The following KDM4C variants were observed in gnomAD, a reference collection of about 807,000 sequenced individuals.
KDM4C encodes lysine demethylase 4C, also known as lysine-specific demethylase 4C.
In KDM4C, 81 loss-of-function variants were observed where a neutral mutation model predicts 129.3. The observed-to-expected ratio is 0.63, with a 90% CI of 0.52 to 0.75. The LOEUF is 0.75. Among genes scored for constraint, KDM4C ranks in the 30% least tolerant of loss-of-function variants. The pLI, the probability that KDM4C is intolerant of heterozygous loss-of-function variation, is 0.00. For synonymous variants in KDM4C, 573 were observed against 456.1 expected, an observed-to-expected ratio of 1.26 and a Z score of -3.26; for missense variants, 1,457 against 1,304.0, an observed-to-expected ratio of 1.12 and a Z score of -1.81.
chr9:7,117,895 CCTGT>C (rs1338172810), intron 18 of KDM4C, among the ~76,000 whole-genome samples: 3 of 152,164 alleles, frequency 2.0e-5, no homozygotes, highest in Non-Finnish European at 2.9e-5. Context: ...ACCAGCTCCA[CCTGT>C]CTAACTAATG....
chr9:7,119,723 C>T (rs188441027), intron 18 of KDM4C, among the ~76,000 whole-genome samples: 35 of 152,002 alleles, frequency 2.3e-4, no homozygotes, highest in Admixed American at 5.9e-4. Flanking sequence ...CATTTGAAAA[C>T]ATAGTTCTGA....
At chr9:6,966,605 A>G (rs1160249954) in intron 8 of KDM4C, among the ~76,000 whole-genome samples, 9 of 152,120 alleles carry the variant, frequency 5.9e-5, no homozygotes, top group Admixed American at 2.6e-4. Flanking sequence ...ATAAATCTGT[A>G]TGTAGATCTA....
Position 6,736,866 on chromosome 9 carries a change from CATGGCCAAACCCCGTCTCT to C in KDM4C, c.49+15871_49+15889del, listed in dbSNP as rs537969290. Among the ~76,000 whole-genome samples the C allele has an allele frequency of 6.8e-4, 103 of 151,912 alleles. 2 individuals are homozygous for C. In the East Asian group the frequency reaches 0.019, roughly 28 times the overall value. On this transcript the variant is annotated intron_variant, in intron 1 of 17. Coordinates refer to the KDM4C transcript ENST00000536108. Reference sequence around the variant, plus strand: ...AGGAGTTCAAGACCCGCCGGGCCACCATGGCCAAACCCCGTCTCTACAAAAAAATACAAAATTAGCCGGG... The same window carrying C: ...AGGAGTTCAAGACCCGCCGGGCCACCACAAAAAAATACAAAATTAGCCGGG...
chr9:7,159,420 A>G (rs963843000), intron 19 of KDM4C, among the ~76,000 whole-genome samples: 1 of 152,152 alleles, frequency 6.6e-6, no homozygotes, highest in East Asian at 1.9e-4. Flanking sequence ...CAGTTTCTTC[A>G]TAGCATTGGT....
intron 6 of KDM4C, among the ~76,000 whole-genome samples, 172 bp downstream of exon 6, chr9:6,880,233 A>G (rs972321733): frequency 3.3e-5 from 5 of 150,452 alleles, no homozygotes; most frequent in African/African-American, 1.2e-4. Context: ...AAATTTTTTC[A>G]CCTTAGTTTG....
chr9:6,728,971 C>T (rs565041232), intron 1 of KDM4C, among the ~76,000 whole-genome samples: 18 of 148,034 alleles, frequency 1.2e-4, no homozygotes, highest in South Asian at 6.5e-4. Flanking sequence ...TTTGGGAGGT[C>T]GAGGTGGATG....
intron 15 of KDM4C, among the ~76,000 whole-genome samples, chr9:7,037,892 T>A (rs1435151432): frequency 2.0e-5 from 3 of 152,116 alleles, no homozygotes; most frequent in African/African-American, 7.2e-5. Context: ...TATAGCCAGA[T>A]CTTTGTAATA....
At chr9:6,997,341 C>A (rs1586801786) in intron 12 of KDM4C, among the ~76,000 whole-genome samples, 1 of 152,136 alleles carries the variant, frequency 6.6e-6, no homozygotes, top group Non-Finnish European at 1.5e-5. Flanking sequence ...AAAGCCTACA[C>A]CTTTACTTAA....
intron 12 of KDM4C, among the ~76,000 whole-genome samples, chr9:6,995,816 C>A (rs181202371): frequency 6.6e-6 from 1 of 152,058 alleles, no homozygotes; most frequent in Non-Finnish European, 1.5e-5. Flanking sequence ...GGACTACAGG[C>A]GCCTGCCACC....
intron 8 of KDM4C, among the ~76,000 whole-genome samples, chr9:6,927,895 C>G (rs1270074392): frequency 1.3e-5 from 2 of 152,178 alleles, no homozygotes; most frequent in Admixed American, 6.5e-5. Context: ...AATCATTGAC[C>G]TATACATTTC....
At chr9:6,886,758 T>C (rs1185157030) in intron 6 of KDM4C, among the ~76,000 whole-genome samples, 1 of 151,974 alleles carries the variant, frequency 6.6e-6, no homozygotes, top group Non-Finnish European at 1.5e-5. Flanking sequence ...TCCCAAAGTG[T>C]TGGGATTACA....
chr9:6,723,119 C>T (rs1040699995), intron 1 of KDM4C, among the ~76,000 whole-genome samples: 2 of 151,884 alleles, frequency 1.3e-5, no homozygotes, highest in African/African-American at 2.4e-5. Context: ...CTTGGCTGGG[C>T]GCCATACACT....
intron 3 of KDM4C, among the ~76,000 whole-genome samples, chr9:6,809,015 A>G (rs1185737398): frequency 6.6e-6 from 1 of 151,780 alleles, no homozygotes; most frequent in Non-Finnish European, 1.5e-5. Context: ...GAATGAGATT[A>G]AGACTTTGAA....
Position 6,797,915 on chromosome 9 carries a change from G to T in KDM4C, c.144+4783G>T, listed in dbSNP as rs139470450. On this transcript the variant is annotated intron_variant, in intron 2 of 21. Transcript: ENST00000381309. ...GTATATTCTGTTTTGATATAATCAG[G>T]AAGGTGAACTTCAGAAGGAATGGCT... Among the ~76,000 whole-genome samples, 647 of 152,328 alleles carry T rather than the reference G, an allele frequency of 4.2e-3. 9 individuals carry two copies. The highest frequency in any genetic ancestry group is 0.015 in the African/African-American group (626 of 41,574).
At chr9:7,152,002 C>G (rs1842776559) in intron 19 of KDM4C, among the ~76,000 whole-genome samples, 1 of 152,182 alleles carries the variant, frequency 6.6e-6, no homozygotes, top group African/African-American at 2.4e-5. Flanking sequence ...CAGTTCCCAC[C>G]CTGCTGAGCA....
chr9:6,981,308 T>A (rs958196550), intron 9 of KDM4C, among the ~76,000 whole-genome samples, 190 bp downstream of exon 9: 5 of 152,364 alleles, frequency 3.3e-5, no homozygotes, highest in South Asian at 4.1e-4. Flanking sequence ...GATGTATATT[T>A]ATTTTGTTTG....
chr9:7,029,396 G>A (rs1427004553), intron 15 of KDM4C, among the ~76,000 whole-genome samples: 2 of 151,048 alleles, frequency 1.3e-5, no homozygotes, highest in African/African-American at 4.9e-5. Context: ...TTATGAAGGA[G>A]GATGTTAGTT....
chr9:6,758,995 C>T lies in KDM4C; in HGVS notation c.-18+792C>T, dbSNP rs542882664. On this transcript the variant is annotated intron_variant, in intron 1 of 21. Coordinates refer to ENST00000381309, the MANE Select transcript of KDM4C (RefSeq NM_015061.6). This position sits in a 1 kb window ranked among gnomAD's most constrained non-coding sequence, Gnocchi z 4.6. ...TCCGCGTGGACTTGATGCTGGGCTC[C>T]CCCTTTGCTGCGCGGTGCAAGCCTG... 4.6e-5 allele frequency among the ~76,000 whole-genome samples: 7 copies of T among 151,672 alleles called. No homozygotes were observed. Among genetic ancestry groups the T allele is most frequent in the Admixed American group, 3.3e-4 (5 of 15,166 alleles).
chr9:6,748,165 CAAAA>C (rs71315558), intron 1 of KDM4C, among the ~76,000 whole-genome samples: 3 of 97,462 alleles, frequency 3.1e-5, no homozygotes, highest in South Asian at 3.8e-4. Context: ...GACTTGGTCT[CAAAA>C]AAAAAACAAA....
Sources: allele counts gnomAD v4.1 joint callset (sites outside exome capture counted in the v4.1 genomes callset), GRCh38; gene constraint gnomAD v4.1.1; non-coding constraint Gnocchi (gnomAD v3.1); transcripts MANE v1.5; gene names NCBI Gene and HGNC (gene_info 2026-07-23, HGNC 2026-07-21).